Variants in GPC6 observed in about 807,000 individuals in gnomAD.
The protein encoded by GPC6 is glypican 6.
Under a neutral mutation model 55.2 loss-of-function variants are expected in GPC6, and 14 were observed. The observed-to-expected ratio is 0.25, with a 90% CI of 0.17 to 0.40. GPC6 has a LOEUF of 0.40. Among genes scored for constraint, GPC6 ranks in the 10% least tolerant of loss-of-function variants. The pLI is 1.00. For synonymous variants in GPC6, 278 were observed against 259.6 expected, an observed-to-expected ratio of 1.07 and a Z score of -0.68; for missense variants, 641 against 708.5, an observed-to-expected ratio of 0.90 and a Z score of 1.08.
chr13:94,105,514 A>G (rs2138832064), intron 4 of GPC6, among the ~76,000 whole-genome samples: 1 of 152,320 alleles, frequency 6.6e-6, no homozygotes, highest in South Asian at 2.1e-4. Flanking sequence ...TTAGGAGAGA[A>G]GTCAAAGCCA....
At chr13:93,366,489 C>A (rs1881253896) in intron 1 of GPC6, among the ~76,000 whole-genome samples, 1 of 152,008 alleles carries the variant, frequency 6.6e-6, no homozygotes, top group East Asian at 1.9e-4. Context: ...AGCTCAATTT[C>A]CTTTCTAGAA....
Position 93,553,700 on chromosome 13 carries a change from A to G in GPC6, c.319+8279A>G, listed in dbSNP as rs1594261307. 2.0e-5 allele frequency among the ~76,000 whole-genome samples: 3 copies of G among 150,566 alleles called. No individual in the cohort carries two copies. The South Asian group carries it at 6.3e-4, about 31-fold the overall frequency. ...ACAAAGCGAGACTCCATCTCAAAAA[A>G]AAAAAAAAAAAAAAAAGGAGAGGAA... On this transcript the variant is annotated intron_variant, in intron 2 of 8. Coordinates refer to ENST00000377047, the MANE Select transcript of GPC6 (RefSeq NM_005708.5).
At chr13:93,317,305 C>T (rs896802467) in intron 1 of GPC6, among the ~76,000 whole-genome samples, 1 of 152,052 alleles carries the variant, frequency 6.6e-6, no homozygotes, top group African/African-American at 2.4e-5. Context: ...ACTTATCAGA[C>T]ACCTCAATGT....
chr13:94,260,451 A>C (rs1156578031), intron 4 of GPC6, among the ~76,000 whole-genome samples: 1 of 152,174 alleles, frequency 6.6e-6, no homozygotes, highest in Non-Finnish European at 1.5e-5. Context: ...TTCTGAAACC[A>C]ACCTTGGATT....
intron 3 of GPC6, among the ~76,000 whole-genome samples, chr13:93,874,319 A>G (rs1889222812): frequency 6.6e-6 from 1 of 151,800 alleles, no homozygotes; most frequent in South Asian, 2.1e-4. Context: ...TATGTTCCTC[A>G]TTAATTTGCT....
intron 5 of GPC6, among the ~76,000 whole-genome samples, chr13:94,297,489 G>A (rs1264886540): frequency 1.3e-5 from 2 of 152,112 alleles, no homozygotes; most frequent in South Asian, 2.1e-4. Flanking sequence ...AAAGTTCCTT[G>A]TAACTCCTCC....
At chr13:93,628,995 C>T in intron 2 of GPC6, among the ~76,000 whole-genome samples, 1 of 148,050 alleles carries the variant, frequency 6.8e-6, no homozygotes, top group South Asian at 2.1e-4. Flanking sequence ...GAGAAAAATT[C>T]ACTGGACTTA....
intron 1 of GPC6, among the ~76,000 whole-genome samples, chr13:93,485,437 G>T (rs769441789): frequency 6.6e-6 from 1 of 152,152 alleles, no homozygotes; most frequent in African/African-American, 2.4e-5. Flanking sequence ...CAGATTTCGG[G>T]CTCTTGAGAA....
chr13:93,591,642 T>G (rs1159452380), intron 2 of GPC6, among the ~76,000 whole-genome samples: 1 of 152,190 alleles, frequency 6.6e-6, no homozygotes, highest in Non-Finnish European at 1.5e-5. Context: ...AGTCAGAATT[T>G]GTTTATAATC....
chr13:94,326,337 G>T (rs1365960421), intron 6 of GPC6, among the ~76,000 whole-genome samples: 2 of 152,014 alleles, frequency 1.3e-5, no homozygotes, highest in African/African-American at 4.8e-5. Flanking sequence ...GAGGCACAAA[G>T]TTAAGATTTA....
At chr13:94,136,484 G>A (rs1887189958) in intron 4 of GPC6, among the ~76,000 whole-genome samples, 1 of 152,218 alleles carries the variant, frequency 6.6e-6, no homozygotes, top group Non-Finnish European at 1.5e-5. Context: ...GCCGAGGCAG[G>A]CAGATCACGA....
chr13:93,762,490 G>A (rs1484257826), intron 2 of GPC6, among the ~76,000 whole-genome samples: 1 of 152,150 alleles, frequency 6.6e-6, no homozygotes, highest in Non-Finnish European at 1.5e-5. Flanking sequence ...AAGGTTGTCT[G>A]CCCAGAATGG....
At chr13:93,594,511 A>T (rs76287812) in intron 2 of GPC6, among the ~76,000 whole-genome samples, 1,865 of 152,098 alleles carry the variant, frequency 0.012, 15 homozygotes, top group South Asian at 0.022. Flanking sequence ...CCACTTATTC[A>T]TTCAAGATAT....
rs372670711 is a variant in GPC6, at chr13:94,304,478, G to A, written c.1009-1502G>A. Among the ~76,000 whole-genome samples the A allele has an allele frequency of 3.3e-5, 5 of 152,256 alleles. No homozygotes were observed. In the East Asian group the frequency reaches 7.7e-4, roughly 23 times the overall value. On this transcript the variant is annotated intron_variant, in intron 5 of 8. Transcript: ENST00000377047. ...GAAATAACAAAACTGGAACGAATGC[G>A]TTGCAAGTATACTACATGCAAGTTA... is the stretch of plus-strand genomic sequence containing the variant.
intron 7 of GPC6, 61 bp downstream of exon 7, chr13:94,382,611 T>C: frequency 6.2e-7 from 1 of 1,604,194 alleles, no homozygotes. Context: ...TGGAAGACTC[T>C]CCTGGCACAA....
intron 3 of GPC6, among the ~76,000 whole-genome samples, chr13:93,921,231 G>T (rs1017856214): frequency 2.6e-5 from 4 of 152,134 alleles, no homozygotes; most frequent in Non-Finnish European, 5.9e-5. Flanking sequence ...ACAGGTGCGG[G>T]AGTCGGGCCA....
intron 1 of GPC6, among the ~76,000 whole-genome samples, chr13:93,353,731 A>AGT (rs1880717251): frequency 6.6e-6 from 1 of 152,204 alleles, no homozygotes; most frequent in South Asian, 2.1e-4. Flanking sequence ...TACTCACCTA[A>AGT]GTACTATAGG....
intron 2 of GPC6, among the ~76,000 whole-genome samples, chr13:93,708,313 T>A (rs994767889): frequency 2.0e-5 from 3 of 151,752 alleles, no homozygotes; most frequent in African/African-American, 7.3e-5. Context: ...CTGGCATATC[T>A]TTTTTTATCC....
intron 4 of GPC6, among the ~76,000 whole-genome samples, chr13:94,220,521 A>G (rs948579422): frequency 2.0e-5 from 3 of 151,904 alleles, no homozygotes; most frequent in Admixed American, 2.0e-4. Flanking sequence ...TTTTTTTTCC[A>G]AAAAGACTCC....
Sources: gnomAD v4.1 joint callset for allele counts (sites outside exome capture counted in the v4.1 genomes callset) on GRCh38, gnomAD v4.1.1 for gene constraint, MANE v1.5 for transcripts, NCBI Gene and HGNC (gene_info 2026-07-23, HGNC 2026-07-21) for gene names.